Variants in SFXN2 observed in about 807,000 individuals in gnomAD.
The protein encoded by SFXN2 is sideroflexin-2.
SFXN2 carries 37 observed loss-of-function variants against 41.9 expected under a neutral mutation model. That is an observed-to-expected ratio of 0.88 (90% confidence interval 0.68 to 1.16). The LOEUF is 1.16. SFXN2 is among the 50% of genes most tolerant of loss of function. The pLI is 0.00. For missense variants in SFXN2, 386 were observed against 425.2 expected (o/e 0.91, Z 0.81); for synonymous variants, 150 against 156.7 (o/e 0.96, Z 0.32).
chr10:102,725,625 G>A (rs901637303), intron 1 of SFXN2, among the ~76,000 whole-genome samples: 5 of 152,180 alleles, frequency 3.3e-5, no homozygotes. Flanking sequence ...AGATGCGGCA[G>A]CTCACACCTG....
At chr10:102,729,260 C>G in intron 4 of SFXN2, 59 bp from the exon 5 acceptor site, 5 of 1,550,106 alleles carry the variant, frequency 3.2e-6, no homozygotes, top group Middle Eastern at 1.7e-4. Flanking sequence ...CCCTGAAGCC[C>G]GTGGTTTGGC....
Position 102,741,552 on chromosome 10 carries a change from A to C in SFXN2, c.*3790A>C, listed in dbSNP as rs892874936. 1 of 152,246 alleles carries C rather than the reference A, an allele frequency of 6.6e-6. No homozygotes were observed. The highest frequency in any genetic ancestry group is 1.5e-5 in the Non-Finnish European group (1 of 68,066). The allele number at this position is 152,246 out of a possible 1,614,324, so 9.4% of individuals were successfully genotyped here. A position where few individuals can be genotyped will look rare whatever the true frequency, so the allele number is the denominator to read the frequency against. ...CTAAAGGTTTCCTGACTACAGGTAC[A>C]TGCCACCATGCCCAGCTAATTTTTA... On this transcript the variant is annotated 3_prime_UTR_variant, in exon 12 of 12. Transcript: ENST00000369893.
At chr10:102,726,886 G>A (rs779664783) in intron 2 of SFXN2, 89 bp downstream of exon 2, 25 of 1,586,060 alleles carry the variant, frequency 1.6e-5, no homozygotes, top group Non-Finnish European at 2.1e-5. Context: ...TGAAGGAATA[G>A]GCAGAAATCT....
chr10:102,720,291 CAAAAAAAAAAAA>C (rs56006729), intron 1 of SFXN2, among the ~76,000 whole-genome samples: 1 of 48,788 alleles, frequency 2.0e-5, no homozygotes, highest in Non-Finnish European at 3.3e-5. Context: ...GACTCCCTCT[CAAAAAAAAAAAA>C]AAAAAAAAAA....
intron 11 of SFXN2, 143 bp downstream of exon 11, chr10:102,736,052 TGG>T: frequency 1.2e-6 from 1 of 829,938 alleles, no homozygotes. Flanking sequence ...GCCTAAAGGC[TGG>T]GCCTCTTAAC....
chr10:102,720,041 A>G (rs1414190620), intron 1 of SFXN2, among the ~76,000 whole-genome samples: 1 of 152,020 alleles, frequency 6.6e-6, no homozygotes, highest in Non-Finnish European at 1.5e-5. Context: ...TGTAATCCCA[A>G]CACTTGGGGA....
intron 1 of SFXN2, among the ~76,000 whole-genome samples, chr10:102,719,341 C>T (rs1321114636): frequency 2.0e-5 from 3 of 151,818 alleles, no homozygotes; most frequent in Non-Finnish European, 4.4e-5. Context: ...TGTGCCTCAG[C>T]CTCCTGAATA....
intron 9 of SFXN2, among the ~76,000 whole-genome samples, chr10:102,733,209 G>A (rs929324323): frequency 4.6e-5 from 7 of 152,120 alleles, no homozygotes; most frequent in African/African-American, 9.7e-5. Flanking sequence ...GTGCAGTGGC[G>A]CGATCTTGGC....
intron 1 of SFXN2, among the ~76,000 whole-genome samples, chr10:102,715,792 T>A (rs2064402136): frequency 6.6e-6 from 1 of 151,540 alleles, no homozygotes; most frequent in Middle Eastern, 3.2e-3. Flanking sequence ...AAAAAAAAAT[T>A]TTTTTTAATT....
intron 5 of SFXN2, 21 bp downstream of exon 5, chr10:102,729,415 A>G: frequency 6.2e-7 from 1 of 1,613,144 alleles, no homozygotes; most frequent in Non-Finnish European, 8.5e-7. Context: ...GGGCCGCTGC[A>G]GCATGGTGGC....
chr10:102,732,077 C>T lies in SFXN2; in HGVS notation c.655-75C>T, dbSNP rs374727810. 1.3e-5 allele frequency: 18 copies of T among 1,421,872 alleles called. No individual in the cohort carries two copies. In the African/African-American group the frequency reaches 2.0e-4, roughly 16 times the overall value. The allele number at this position is 1,421,872 out of a possible 1,614,324, so 88.1% of individuals were successfully genotyped here. On this transcript the variant is annotated intron_variant, in intron 7 of 11. Transcript: ENST00000369893. ...TACCATCTCAGACTTGGCCATGATGCTGACCCAGCCCCCTGGTGCAGCACA... is the reference window on the plus strand; with the variant it reads ...TACCATCTCAGACTTGGCCATGATGTTGACCCAGCCCCCTGGTGCAGCACA...
chr10:102,726,871 G>A (rs1349124845), intron 2 of SFXN2, 74 bp downstream of exon 2: 14 of 1,591,972 alleles, frequency 8.8e-6, no homozygotes, highest in African/African-American at 4.0e-5. Flanking sequence ...GGTGGAAACC[G>A]AAGGTGAAGG....
intron 1 of SFXN2, among the ~76,000 whole-genome samples, chr10:102,717,995 C>T (rs2064442631): frequency 6.6e-6 from 1 of 152,108 alleles, no homozygotes; most frequent in African/African-American, 2.4e-5. Flanking sequence ...TTGAGTTTGT[C>T]CTGAAGGAGT....
At chr10:102,720,833 T>C (rs1234111418) in intron 1 of SFXN2, among the ~76,000 whole-genome samples, 1 of 152,178 alleles carries the variant, frequency 6.6e-6, no homozygotes, top group Non-Finnish European at 1.5e-5. Flanking sequence ...CCAGTTATAG[T>C]GGCTACCCAG....
intron 4 of SFXN2, among the ~76,000 whole-genome samples, chr10:102,728,911 A>C (rs1004724009): frequency 6.6e-5 from 10 of 151,906 alleles, no homozygotes; most frequent in South Asian, 6.2e-4. Context: ...CAAAACAAAC[A>C]AAAAAAACCA....
intron 3 of SFXN2, among the ~76,000 whole-genome samples, chr10:102,727,394 G>T (rs2064618373): frequency 6.6e-6 from 1 of 152,214 alleles, no homozygotes. Flanking sequence ...TGAAGAACTT[G>T]TCCAGGTTTA....
In SFXN2 at chr10:102,729,772, C is replaced by A. The variant is rs749269347; in HGVS notation, c.557C>A (p.Ala186Glu). Residue 186 changes from alanine (A) to glutamate (E), a missense_variant, in exon 6 of 12, where the codon GCG becomes GAG. By Grantham distance (107) the Ala-to-Glu change is moderately radical (BLOSUM62 -1). Transcript: ENST00000369893. Reference protein sequence around the residue: ...GRWVPFAAVAAANCVNIPMMR... With the variant: ...GRWVPFAAVAEANCVNIPMMR... ...TGGGTGCCCTTTGCCGCTGTGGCTGCGGCTAACTGTGTCAATATCCCCATG... is the reference window on the plus strand; with the variant it reads ...TGGGTGCCCTTTGCCGCTGTGGCTGAGGCTAACTGTGTCAATATCCCCATG... The A allele has an allele frequency of 6.2e-7, 1 of 1,614,036 alleles. No individual in the cohort carries two copies. Among genetic ancestry groups the A allele is most frequent in the East Asian group, 2.2e-5 (1 of 44,886 alleles).
Position 102,742,695 on chromosome 10 carries a change from C to A in SFXN2, c.*4933C>A, listed in dbSNP as rs1842803473. 1 of 152,022 alleles carries A rather than the reference C, an allele frequency of 6.6e-6. No individual in the cohort carries two copies. Among genetic ancestry groups the A allele is most frequent in the Non-Finnish European group, 1.5e-5 (1 of 68,026 alleles). 9.4% of individuals were successfully genotyped at this position (152,022 alleles called of 1,614,324 possible). ...ATGTTGCCCAGGCTGGTTTCAAACT[C>A]CTGAGCTCAAGGGATCTACCTGCCT... On this transcript the variant is annotated 3_prime_UTR_variant, in exon 12 of 12. Coordinates refer to ENST00000369893, the MANE Select transcript of SFXN2 (RefSeq NM_178858.6).
chr10:102,729,558 G>T (rs1372100226), intron 5 of SFXN2, 164 bp downstream of exon 5: 4 of 1,112,260 alleles, frequency 3.6e-6, no homozygotes, highest in Non-Finnish European at 2.6e-6. Flanking sequence ...CCCCAGGTTG[G>T]TTCTTCTTGG....
Sources: gnomAD v4.1 joint callset for allele counts (sites outside exome capture counted in the v4.1 genomes callset) on GRCh38, gnomAD v4.1.1 for gene constraint, MANE v1.5 for transcripts, NCBI Gene and HGNC (gene_info 2026-07-23, HGNC 2026-07-21) for gene names.